The following BLOC1S5 variants were observed in gnomAD, a reference collection of about 807,000 sequenced individuals.
BLOC1S5 encodes biogenesis of lysosomal organelles complex 1 subunit 5.
BLOC1S5 carries 27 observed loss-of-function variants against 24.3 expected under a neutral mutation model. That is an observed-to-expected ratio of 1.11 (90% CI 0.82 to 1.53). BLOC1S5 has a LOEUF of 1.53. Ranked by LOEUF, BLOC1S5 falls within the 40% of genes most tolerant of loss-of-function variation. The pLI is 0.00. For synonymous variants in BLOC1S5, 84 were observed against 74.5 expected (o/e 1.13, Z -0.66); for missense variants, 239 against 229.4 (o/e 1.04, Z -0.27).
chr6:8,046,801 G>A (rs947038507), intron 2 of BLOC1S5, among the ~76,000 whole-genome samples: 1 of 151,774 alleles, frequency 6.6e-6, no homozygotes, highest in Non-Finnish European at 1.5e-5. Context: ...GTCTTGTTCT[G>A]TCGCTGAGAT....
chr6:8,019,836 C>A (rs1762863108), intron 4 of BLOC1S5, among the ~76,000 whole-genome samples: 1 of 152,180 alleles, frequency 6.6e-6, no homozygotes, highest in Admixed American at 6.5e-5. Flanking sequence ...ACAATTCTAA[C>A]CAGCTTAGTT....
chr6:8,014,262 T>C lies in BLOC1S5; in HGVS notation c.*1387A>G, dbSNP rs1762667476. 2 of 152,232 alleles carry C rather than the reference T, an allele frequency of 1.3e-5. No homozygotes were observed. The highest frequency in any genetic ancestry group is 4.2e-4 in the South Asian group (2 of 4,812). 9.4% of individuals were successfully genotyped at this position (152,232 alleles called of 1,614,324 possible). On this transcript the variant is annotated 3_prime_UTR_variant, in exon 5 of 5. Coordinates refer to ENST00000397457, the MANE Select transcript of BLOC1S5 (RefSeq NM_201280.3). The stretch of plus-strand genomic sequence containing the variant: ...GGTTTATGGCAAATAAAAAATCAAC[T>C]TAGTTCTTCAGTTAGATTTTTTTTT...
intron 2 of BLOC1S5, among the ~76,000 whole-genome samples, chr6:8,058,357 GAAAAAAAAAA>G (rs60827828): frequency 2.2e-4 from 19 of 84,588 alleles, no homozygotes; most frequent in Non-Finnish European, 2.8e-4. Flanking sequence ...CTGTCTCTAT[GAAAAAAAAAA>G]AAAAAAAAAA....
rs148333092 is a variant in BLOC1S5, at chr6:8,034,702, C to G, written c.325+6437G>C. Among the ~76,000 whole-genome samples the G allele has an allele frequency of 9.7e-3, 1,473 of 152,118 alleles. 27 individuals carry two copies. Among genetic ancestry groups the G allele is most frequent in the African/African-American group, 0.034 (1,402 of 41,478 alleles). On this transcript the variant is annotated intron_variant, in intron 3 of 4. Transcript: ENST00000397457. Reference sequence around the variant, plus strand: ...TTTACACTGCTGGTGGGAATGTAAACTAGTACAACCACTGTGGAAGACAGT... The same window carrying G: ...TTTACACTGCTGGTGGGAATGTAAAGTAGTACAACCACTGTGGAAGACAGT...
chr6:8,031,056 T>G (rs1763279406), intron 3 of BLOC1S5, among the ~76,000 whole-genome samples: 1 of 152,148 alleles, frequency 6.6e-6, no homozygotes, highest in Non-Finnish European at 1.5e-5. Flanking sequence ...GCACTCTCCC[T>G]GAGAACCGGA....
chr6:8,022,378 A>G (rs1236574465), intron 4 of BLOC1S5, among the ~76,000 whole-genome samples: 1 of 151,620 alleles, frequency 6.6e-6, no homozygotes, highest in Admixed American at 6.6e-5. Context: ...AAACTCTGAA[A>G]AACCCAACTA....
chr6:8,057,087 T>C (rs1764336505), intron 2 of BLOC1S5, among the ~76,000 whole-genome samples: 6 of 151,948 alleles, frequency 3.9e-5, no homozygotes, highest in Non-Finnish European at 8.8e-5. Flanking sequence ...GACATGGTGG[T>C]ATATGCCTGT....
intron 2 of BLOC1S5, 125 bp downstream of exon 2, chr6:8,062,409 T>C (rs1458649063): frequency 1.6e-6 from 1 of 634,420 alleles, no homozygotes; most frequent in Non-Finnish European, 2.7e-6. Flanking sequence ...TTCATCATTT[T>C]TACTTTGTAT....
intron 2 of BLOC1S5, among the ~76,000 whole-genome samples, chr6:8,052,538 G>C (rs1302599128): frequency 6.6e-6 from 1 of 152,262 alleles, no homozygotes; most frequent in East Asian, 1.9e-4. Flanking sequence ...AGCAGTTCTA[G>C]ACTTCAGCTG....
chr6:8,053,370 ATT>A lies in BLOC1S5; in HGVS notation c.195+9162_195+9163del, dbSNP rs1410292398. 5.3e-5 allele frequency among the ~76,000 whole-genome samples: 8 copies of A among 152,202 alleles called. 1 individual carries two copies. The highest frequency in any genetic ancestry group is 5.2e-4 in the Admixed American group (8 of 15,286). ...CTTCATTGTTGTCTTATTTTAAGAAATTGCCACAGCCACCCCAACCTTCTGCA... is the reference window on the plus strand; with the variant it reads ...CTTCATTGTTGTCTTATTTTAAGAAAGCCACAGCCACCCCAACCTTCTGCA... On this transcript the variant is annotated intron_variant, in intron 2 of 4. Coordinates refer to ENST00000397457, the MANE Select transcript of BLOC1S5 (RefSeq NM_201280.3).
In BLOC1S5 at chr6:8,054,755, T is replaced by C. The variant is rs531212361; in HGVS notation, c.195+7779A>G. On this transcript the variant is annotated intron_variant, in intron 2 of 4. Transcript: ENST00000397457. The stretch of plus-strand genomic sequence containing the variant: ...TTGTCTGTTCTGGGTTAATTTTCCC[T>C]GAATGTAGTAGTGTGCCCTTCAATA... 9.6e-4 allele frequency among the ~76,000 whole-genome samples: 147 copies of C among 152,392 alleles called. 1 individual carries two copies. The highest frequency in any genetic ancestry group is 1.5e-3 in the Non-Finnish European group (100 of 68,036).
chr6:8,057,055 TAA>T, intron 2 of BLOC1S5, among the ~76,000 whole-genome samples: 6 of 151,910 alleles, frequency 3.9e-5, no homozygotes, highest in Non-Finnish European at 8.8e-5. Context: ...TGTTCTCTAC[TAA>T]AAAAATACAA....
intron 3 of BLOC1S5, among the ~76,000 whole-genome samples, chr6:8,037,769 T>C (rs909582113): frequency 2.6e-5 from 4 of 152,106 alleles, no homozygotes; most frequent in Non-Finnish European, 5.9e-5. Context: ...GATACCAGCA[T>C]AAAAACACAC....
intron 2 of BLOC1S5, among the ~76,000 whole-genome samples, chr6:8,053,095 C>A (rs1466132887): frequency 6.6e-6 from 1 of 151,950 alleles, no homozygotes; most frequent in Non-Finnish European, 1.5e-5. Flanking sequence ...AAGAGTCGCA[C>A]AACTCCCACT....
intron 4 of BLOC1S5, among the ~76,000 whole-genome samples, chr6:8,019,228 C>A (rs561107105): frequency 1.3e-5 from 2 of 151,850 alleles, no homozygotes; most frequent in South Asian, 4.2e-4. Context: ...GCTATCGTTT[C>A]CTAGTTTCCC....
At chr6:8,053,482 C>T (rs1353131929) in intron 2 of BLOC1S5, among the ~76,000 whole-genome samples, 1 of 152,194 alleles carries the variant, frequency 6.6e-6, no homozygotes, top group African/African-American at 2.4e-5. Context: ...TTGCTGAAGG[C>T]TGAGATTATT....
chr6:8,046,051 C>T (rs1763884337), intron 2 of BLOC1S5, among the ~76,000 whole-genome samples: 1 of 152,264 alleles, frequency 6.6e-6, no homozygotes, highest in East Asian at 1.9e-4. Flanking sequence ...ACCCAAATCT[C>T]AACTTGAATT....
At chr6:8,060,877 T>G (rs1764486502) in intron 2 of BLOC1S5, among the ~76,000 whole-genome samples, 1 of 152,126 alleles carries the variant, frequency 6.6e-6, no homozygotes, top group Non-Finnish European at 1.5e-5. Flanking sequence ...AGGGCTGGAG[T>G]GCAATGGCGC....
In BLOC1S5 at chr6:8,015,734, T is replaced by C. The variant is rs1394758170; in HGVS notation, c.479A>G (p.Asp160Gly). 6.2e-7 allele frequency: 1 copy of C among 1,614,082 alleles called. No homozygotes were observed. The highest frequency in any genetic ancestry group is 1.3e-5 in the African/African-American group (1 of 74,942). Reference protein sequence around the residue: ...KEQPNKRAEVDEEHRKAMERL... With the variant: ...KEQPNKRAEVGEEHRKAMERL... Reference sequence around the variant, plus strand: ...TTCCATGGCTTTTCTGTGCTCTTCATCCACTTCAGCCCTTTTGTTGGGTTG... The same window carrying C: ...TTCCATGGCTTTTCTGTGCTCTTCACCCACTTCAGCCCTTTTGTTGGGTTG... The change falls in exon 5 of 5, where the codon GAT becomes GGT. Residue 160 changes from aspartate (D) to glycine (G), a missense_variant. Coordinates refer to ENST00000397457, the MANE Select transcript of BLOC1S5 (RefSeq NM_201280.3).
Sources: gnomAD v4.1 joint callset for allele counts (sites outside exome capture counted in the v4.1 genomes callset) on GRCh38, gnomAD v4.1.1 for gene constraint, MANE v1.5 for transcripts, NCBI Gene and HGNC (gene_info 2026-07-23, HGNC 2026-07-21) for gene names.